Variants in BEGAIN observed in about 807,000 individuals in gnomAD.
The protein encoded by BEGAIN is brain enriched guanylate kinase associated, also known as brain-enriched guanylate kinase-associated protein.
In BEGAIN, 19 loss-of-function variants were observed where a neutral mutation model predicts 35.8. That is an observed-to-expected ratio of 0.53 (90% CI 0.37 to 0.78). BEGAIN has a LOEUF of 0.78. Among genes scored for constraint, BEGAIN ranks in the 30% least tolerant of loss-of-function variants. The pLI is 0.00. For missense variants in BEGAIN, 795 were observed against 853.6 expected (o/e 0.93, Z 0.85); for synonymous variants, 462 against 388.6 (o/e 1.19, Z -2.22).
rs2034861406 is a variant in BEGAIN, at chr14:100,568,037, C to T, written c.43-98G>A. The T allele has an allele frequency of 4.3e-6, 5 of 1,163,142 alleles. No individual in the cohort carries two copies. The highest frequency in any genetic ancestry group is 1.7e-5 in the African/African-American group (1 of 60,544). The allele number at this position is 1,163,142 out of a possible 1,614,324, so 72.1% of individuals were successfully genotyped here. ...CACAGCGGGCACGGCCGGGCAACCC[C>T]GCGGGGCCCCGTCCGTGGGAAGCCC... On this transcript the variant is annotated intron_variant, in intron 1 of 6. Transcript: ENST00000554140. The surrounding 1 kb of genome is among the most constrained non-coding windows in gnomAD (Gnocchi z 7.5).
At chr14:100,579,316 T>C (rs2035269112) in intron 1 of BEGAIN, among the ~76,000 whole-genome samples, 1 of 152,226 alleles carries the variant, frequency 6.6e-6, no homozygotes, top group South Asian at 2.1e-4. Context: ...GCAAGAGCCT[T>C]TGGCACATGG....
chr14:100,538,772 G>A lies in BEGAIN; in HGVS notation c.1036C>T (p.Leu346=). The A allele has an allele frequency of 6.3e-7, 1 of 1,589,768 alleles. No individual in the cohort carries two copies. The change falls in exon 7 of 7, where the codon CTG becomes TTG. Residue 346 remains leucine (L), a synonymous_variant. Transcript: ENST00000554140. ...TCGAAGAGCTCGTCGCGGCTGTTCA[G>A]GTAGATGGCCTGCTGCGACGCGGTC... ...TLTASQQAIY[L]NSRDELFDRK... is the part of the protein sequence containing the mutation.
At position 100,568,933 on chromosome 14, in the gene BEGAIN, C is replaced by A. The variant is rs1467498757; in HGVS notation, c.43-994G>T. 5 of 983,618 alleles carry A rather than the reference C, an allele frequency of 5.1e-6. No individual in the cohort carries two copies. In the Admixed American group the frequency reaches 2.5e-4, roughly 49 times the overall value. The allele number at this position is 983,618 out of a possible 1,614,324, so 60.9% of individuals were successfully genotyped here. ...CTGATGACTGCCCATCCCGGCCCCT[C>A]GCGCCGGGCGCCGCCGCCGCGTCCG... is the stretch of plus-strand genomic sequence containing the variant. On this transcript the variant is annotated intron_variant, in intron 1 of 6. Coordinates refer to ENST00000554140, the MANE Select transcript of BEGAIN (RefSeq NM_001385089.1). This position sits in a 1 kb window ranked among gnomAD's most constrained non-coding sequence, Gnocchi z 7.5.
chr14:100,537,666 T>G lies in BEGAIN; in HGVS notation c.*303A>C. Reference sequence around the variant, plus strand: ...AGGCCAAGTGCGTTAAGAAAGACCCTTTTTCTCTATAAAAATAGTTTCGCT... The same window carrying G: ...AGGCCAAGTGCGTTAAGAAAGACCCGTTTTCTCTATAAAAATAGTTTCGCT... On this transcript the variant is annotated 3_prime_UTR_variant, in exon 7 of 7. Transcript: ENST00000554140. The G allele has an allele frequency of 2.6e-6, 1 of 384,088 alleles. No homozygotes were observed. The highest frequency in any genetic ancestry group is 6.2e-5 in the South Asian group (1 of 16,128). The allele number at this position is 384,088 out of a possible 1,614,324, so 23.8% of individuals were successfully genotyped here. A position where few individuals can be genotyped will look rare whatever the true frequency, so the allele number is the denominator to read the frequency against.
chr14:100,566,881 C>T (rs2034727457), intron 2 of BEGAIN, among the ~76,000 whole-genome samples: 1 of 152,110 alleles, frequency 6.6e-6, no homozygotes, highest in Admixed American at 6.5e-5. Context: ...TGTGTGAGCC[C>T]ACCTGCCCCC....
Position 100,585,417 on chromosome 14 carries a change from CA to C in BEGAIN, c.42+1831del, listed in dbSNP as rs1174393916. Among the ~76,000 whole-genome samples the C allele has an allele frequency of 3.7e-4, 16 of 42,922 alleles. 1 individual carries two copies. The highest frequency in any genetic ancestry group is 8.1e-4 in the African/African-American group (15 of 18,578). 28.2% of individuals were successfully genotyped at this position (42,922 alleles called of 152,430 possible). A position where few individuals can be genotyped will look rare whatever the true frequency, so the allele number is the denominator to read the frequency against. On this transcript the variant is annotated intron_variant, in intron 1 of 6. Transcript: ENST00000554140. ...CTCCCATCCATCCCTCCCTCCCTCC[CA>C]TCCATCCATCCATCCATCCATCCAT...
Position 100,586,690 on chromosome 14 carries a change from G to A in BEGAIN, c.42+559C>T, listed in dbSNP as rs1268884110. The stretch of plus-strand genomic sequence containing the variant: ...TCGCCTGTAAAGGGGCAGGAGGATA[G>A]TACCTGCCGCGAGGTACTGAATGGG... On this transcript the variant is annotated intron_variant, in intron 1 of 6. Coordinates refer to ENST00000554140, the MANE Select transcript of BEGAIN (RefSeq NM_001385089.1). This position sits in a 1 kb window ranked among gnomAD's most constrained non-coding sequence, Gnocchi z 4.9. Among the ~76,000 whole-genome samples the A allele has an allele frequency of 6.6e-6, 1 of 152,218 alleles. No homozygotes were observed. The highest frequency in any genetic ancestry group is 1.5e-5 in the Non-Finnish European group (1 of 68,038).
intron 1 of BEGAIN, among the ~76,000 whole-genome samples, chr14:100,580,439 C>G (rs1423870122): frequency 6.6e-6 from 1 of 152,140 alleles, no homozygotes; most frequent in Non-Finnish European, 1.5e-5. Context: ...CCTCCCGCCC[C>G]GTGCTCCCCG....
chr14:100,565,270 G>C (rs1254283705), intron 2 of BEGAIN, among the ~76,000 whole-genome samples: 1 of 152,232 alleles, frequency 6.6e-6, no homozygotes, highest in Admixed American at 6.5e-5. Flanking sequence ...CAAGAAGGCA[G>C]GGAAGGGCAT....
chr14:100,571,004 T>TG (rs1404522485), intron 1 of BEGAIN, among the ~76,000 whole-genome samples: 1 of 151,902 alleles, frequency 6.6e-6, no homozygotes, highest in African/African-American at 2.4e-5. Context: ...GGGTTCCCAC[T>TG]GTGAAGTGAG....
Position 100,538,536 on chromosome 14 carries a change from C to A in BEGAIN, c.1272G>T (p.Gly424=). 2.0e-6 allele frequency: 3 copies of A among 1,515,400 alleles called. No homozygotes were observed. Among genetic ancestry groups the A allele is most frequent in the East Asian group, 2.3e-5 (1 of 42,932 alleles). The allele number at this position is 1,515,400 out of a possible 1,614,324, so 93.9% of individuals were successfully genotyped here. A position where few individuals can be genotyped will look rare whatever the true frequency, so the allele number is the denominator to read the frequency against. The part of the protein sequence containing the change: ...PNLWSLRAKP[G]TARLPGEDMR... ...TGTCCTCCCCGGGGAGCCGGGCGGTCCCCGGCTTGGCCCGCAGGCTCCACA... is the reference window on the plus strand; with the variant it reads ...TGTCCTCCCCGGGGAGCCGGGCGGTACCCGGCTTGGCCCGCAGGCTCCACA... The change falls in exon 7 of 7, where the codon GGG becomes GGT. Residue 424 remains glycine, a synonymous_variant. Transcript: ENST00000554140.
In BEGAIN at chr14:100,538,029, C is replaced by G. The variant is rs528847235; in HGVS notation, c.1779G>C (p.Ser593=). 5.6e-6 allele frequency: 9 copies of G among 1,607,844 alleles called. No homozygotes were observed. The highest frequency in any genetic ancestry group is 5.3e-5 in the African/African-American group (4 of 74,806). The change falls in exon 7 of 7, where the codon TCG becomes TCC. Residue 593 remains serine, a synonymous_variant. Coordinates refer to ENST00000554140, the MANE Select transcript of BEGAIN (RefSeq NM_001385089.1). ...PQQAFPRTGG[S]GLSRKDSLTK... is the part of the protein sequence containing the mutation. ...TGAGGCTGTCCTTGCGGCTCAGCCC[C>G]GAGCCACCAGTCCGCGGAAAGGCCT... is the stretch of plus-strand genomic sequence containing the variant.
rs991100407 is a variant in BEGAIN, at chr14:100,567,003, G to T, written c.71+908C>A. 6.6e-6 allele frequency among the ~76,000 whole-genome samples: 1 copy of T among 152,192 alleles called. No homozygotes were observed. Among genetic ancestry groups the T allele is most frequent in the Non-Finnish European group, 1.5e-5 (1 of 68,024 alleles). ...GGGCCCAGGCTGGGCTCTGCTCCTT[G>T]GGGGAGGGATGCTCCTCTACCCGGC... On this transcript the variant is annotated intron_variant, in intron 2 of 6. Transcript: ENST00000554140. This position sits in a 1 kb window ranked among gnomAD's most constrained non-coding sequence, Gnocchi z 5.1.
intron 2 of BEGAIN, among the ~76,000 whole-genome samples, chr14:100,561,406 A>G (rs138422388): frequency 1.3e-5 from 2 of 152,280 alleles, no homozygotes; most frequent in African/African-American, 4.8e-5. Flanking sequence ...AGTAGGTGCT[A>G]TTACTACCCC....
In BEGAIN at chr14:100,537,619, A is replaced by G. The variant is rs141457577; in HGVS notation, c.*350T>C. 726 of 239,504 alleles carry G rather than the reference A, an allele frequency of 3.0e-3. 30 individuals carry two copies. In the East Asian group the frequency reaches 0.055, roughly 18 times the overall value. 14.8% of individuals were successfully genotyped at this position (239,504 alleles called of 1,614,324 possible). On this transcript the variant is annotated 3_prime_UTR_variant, in exon 7 of 7. Transcript: ENST00000554140. Reference sequence around the variant, plus strand: ...AAGGAGCTTTGTGTTGAAAACGCCAAGGCAGCCGTCCAGGGAGCTGGAGGC... The same window carrying G: ...AAGGAGCTTTGTGTTGAAAACGCCAGGGCAGCCGTCCAGGGAGCTGGAGGC...
At chr14:100,581,819 G>A (rs1333392862) in intron 1 of BEGAIN, among the ~76,000 whole-genome samples, 1 of 152,246 alleles carries the variant, frequency 6.6e-6, no homozygotes, top group Non-Finnish European at 1.5e-5. Flanking sequence ...CGGACAGAAG[G>A]GGCATGAGGC....
At chr14:100,577,693 T>C (rs1258547226) in intron 1 of BEGAIN, 3 of 398,934 alleles carry the variant, frequency 7.5e-6, no homozygotes, top group African/African-American at 6.2e-5. Flanking sequence ...GCTGCCTGTG[T>C]TCAGGGACTC....
chr14:100,575,453 G>A (rs1010377112), intron 1 of BEGAIN, among the ~76,000 whole-genome samples: 1 of 152,206 alleles, frequency 6.6e-6, no homozygotes, highest in African/African-American at 2.4e-5. Context: ...ACTGGGGGGA[G>A]TGTGACTTGA....
chr14:100,579,951 C>T (rs2035281339), intron 1 of BEGAIN, among the ~76,000 whole-genome samples: 1 of 152,238 alleles, frequency 6.6e-6, no homozygotes, highest in Non-Finnish European at 1.5e-5. Flanking sequence ...CCTGTGCCTC[C>T]TGAGTCGATG....
Sources: allele counts gnomAD v4.1 joint callset (sites outside exome capture counted in the v4.1 genomes callset), GRCh38; gene constraint gnomAD v4.1.1; non-coding constraint Gnocchi (gnomAD v3.1); transcripts MANE v1.5; gene names NCBI Gene and HGNC (gene_info 2026-07-23, HGNC 2026-07-21).